The following LINGO1 variants were observed in gnomAD, a reference collection of about 807,000 sequenced individuals.
LINGO1 encodes leucine rich repeat and Ig domain containing 1.
In LINGO1, 11 loss-of-function variants were observed where a neutral mutation model predicts 37.3. The ratio of observed to expected loss-of-function variants is 0.29; its 90% CI spans 0.19 to 0.49. The LOEUF is 0.49. LINGO1 is among the 20% of genes least tolerant of loss of function. The pLI is 0.99. For synonymous variants in LINGO1, 387 were observed against 403.0 expected (o/e 0.96, Z 0.48); for missense variants, 585 against 878.2 (o/e 0.67, Z 4.22).
upstream of LINGO1, chr15:77,820,810 G>A (rs1216933101): frequency 6.6e-6 from 1 of 152,398 alleles, no homozygotes; most frequent in African/African-American, 2.4e-5. Context: ...GGCCACCGCT[G>A]AGACTGCAAT....
chr15:77,699,275 T>C (rs2075736623), upstream of LINGO1, among the ~76,000 whole-genome samples: 1 of 112,910 alleles, frequency 8.9e-6, no homozygotes, highest in African/African-American at 3.4e-5. Flanking sequence ...GCCCAGACCC[T>C]GCACACAGTA....
rs1247203394 is a variant in LINGO1 at position 77,613,258 on chromosome 15, C to T, written c.*786G>A. 6.6e-6 allele frequency: 1 copy of T among 152,292 alleles called. No individual in the cohort carries two copies. The highest frequency in any genetic ancestry group is 1.5e-5 in the Non-Finnish European group (1 of 68,118). 9.4% of individuals were successfully genotyped at this position (152,292 alleles called of 1,614,324 possible). On this transcript the variant is annotated 3_prime_UTR_variant, in exon 2 of 2. Coordinates refer to ENST00000355300, the MANE Select transcript of LINGO1 (RefSeq NM_032808.7). ...CCCCACCTCCAGCCCCTGGCTCTCTCCACTGACTGTGCTGTCCCCCAGGAG... is the reference window on the plus strand; with the variant it reads ...CCCCACCTCCAGCCCCTGGCTCTCTTCACTGACTGTGCTGTCCCCCAGGAG...
chr15:77,683,353 C>G (rs1181051657), intron 2 of LINGO1, among the ~76,000 whole-genome samples: 1 of 152,140 alleles, frequency 6.6e-6, no homozygotes, highest in African/African-American at 2.4e-5. Context: ...CCCGGCCACT[C>G]GCATCTAGAA....
intron 1 of LINGO1, among the ~76,000 whole-genome samples, chr15:77,752,395 C>A (rs1404177999): frequency 2.6e-5 from 4 of 152,236 alleles, no homozygotes; most frequent in Non-Finnish European, 5.9e-5. Flanking sequence ...CAAAGCCAAA[C>A]ACAGCCCCAT....
intron 1 of LINGO1, among the ~76,000 whole-genome samples, chr15:77,767,320 A>G (rs1218389249): frequency 1.3e-5 from 2 of 152,118 alleles, no homozygotes; most frequent in African/African-American, 4.8e-5. Context: ...ATTCTGGGGG[A>G]AAAAAGATCT....
chr15:77,748,219 G>A (rs113278974), intron 1 of LINGO1, among the ~76,000 whole-genome samples: 10 of 152,356 alleles, frequency 6.6e-5, no homozygotes, highest in Admixed American at 2.0e-4. Flanking sequence ...CTGTTCCTAA[G>A]AGGGCAGTGC....
chr15:77,810,691 C>G (rs571097705), intron 1 of LINGO1, among the ~76,000 whole-genome samples: 4 of 152,330 alleles, frequency 2.6e-5, no homozygotes, highest in South Asian at 4.1e-4. Context: ...TCTAAGTACG[C>G]CTTCTAGTTC....
chr15:77,654,004 C>A (rs1306257593), intron 3 of LINGO1, among the ~76,000 whole-genome samples: 1 of 152,156 alleles, frequency 6.6e-6, no homozygotes, highest in Admixed American at 6.5e-5. Context: ...TTCTCTGTCC[C>A]CTTTAACATT....
At chr15:77,731,337 G>GCACATGCACA (rs1340425625) in intron 2 of LINGO1, among the ~76,000 whole-genome samples, 45 of 152,272 alleles carry the variant, frequency 3.0e-4, no homozygotes, top group African/African-American at 9.1e-4. Context: ...GCACACAAAT[G>GCACATGCACA]CACATGCACA....
chr15:77,620,995 C>A (rs2073900009), intron 1 of LINGO1, among the ~76,000 whole-genome samples: 1 of 152,064 alleles, frequency 6.6e-6, no homozygotes, highest in African/African-American at 2.4e-5. Context: ...CACCAGACAC[C>A]TTCTTTAGAA....
chr15:77,649,522 C>G (rs1351232452), intron 3 of LINGO1, among the ~76,000 whole-genome samples: 1 of 151,994 alleles, frequency 6.6e-6, no homozygotes, highest in Non-Finnish European at 1.5e-5. Context: ...ACCAGAAGAG[C>G]AAAGATTCAG....
At chr15:77,646,416 G>A (rs1277802358) in intron 3 of LINGO1, 5 of 454,504 alleles carry the variant, frequency 1.1e-5, no homozygotes, top group East Asian at 1.4e-4. Flanking sequence ...TGATCAAGAC[G>A]GCTAGGGGGC....
intron 1 of LINGO1, among the ~76,000 whole-genome samples, chr15:77,763,173 G>A (rs926246376): frequency 3.3e-5 from 5 of 152,126 alleles, no homozygotes; most frequent in African/African-American, 4.8e-5. Flanking sequence ...AGTAATTAAC[G>A]TCTCATTAAC....
intron 3 of LINGO1, among the ~76,000 whole-genome samples, chr15:77,670,957 T>C (rs1331096452): frequency 6.6e-6 from 1 of 152,204 alleles, no homozygotes; most frequent in Non-Finnish European, 1.5e-5. Context: ...TATCATCCCT[T>C]TGCTCACACA....
intron 1 of LINGO1, chr15:77,695,859 T>C (rs1421333741): frequency 6.6e-6 from 1 of 150,888 alleles, no homozygotes; most frequent in African/African-American, 2.4e-5. Context: ...GCCTTTCCAC[T>C]GAACATTTTA....
At chr15:77,704,845 C>G (rs556348790) in intron 2 of LINGO1, among the ~76,000 whole-genome samples, 1 of 152,306 alleles carries the variant, frequency 6.6e-6, no homozygotes, top group African/African-American at 2.4e-5. Context: ...TGTGCACACA[C>G]TGAGCCCTGG....
chr15:77,784,475 A>G (rs2076752493), intron 1 of LINGO1: 1 of 152,280 alleles, frequency 6.6e-6, no homozygotes, highest in African/African-American at 2.4e-5. Flanking sequence ...CTTTGCAGCC[A>G]GTGCACATTA....
intron 2 of LINGO1, among the ~76,000 whole-genome samples, chr15:77,720,329 C>T (rs999551069): frequency 3.9e-5 from 6 of 152,252 alleles, no homozygotes; most frequent in Admixed American, 3.3e-4. Context: ...GCCTGTCCCG[C>T]CCCAATGGCC....
Position 77,614,605 on chromosome 15 carries a change from C to A in LINGO1, c.1302G>T (p.Val434=), listed in dbSNP as rs201347656. The A allele has an allele frequency of 6.2e-7, 1 of 1,611,382 alleles. No homozygotes were observed. Among genetic ancestry groups the A allele is most frequent in the Admixed American group, 1.7e-5 (1 of 59,742 alleles). The change falls in exon 2 of 2, where the codon GTG becomes GTT. Residue 434 remains valine (V), a synonymous_variant. Coordinates refer to ENST00000355300, the MANE Select transcript of LINGO1 (RefSeq NM_032808.7). Reference sequence around the variant, plus strand: ...GCACCGTGTGGCCCTCGTCCACAAACACCTGCTGGGCCTTGCGGTCCCGGA... The same window carrying A: ...GCACCGTGTGGCCCTCGTCCACAAAAACCTGCTGGGCCTTGCGGTCCCGGA... ...ARIRDRKAQQ[V]FVDEGHTVQF...
Sources: allele counts gnomAD v4.1 joint callset (sites outside exome capture counted in the v4.1 genomes callset), GRCh38; gene constraint gnomAD v4.1.1; transcripts MANE v1.5; gene names NCBI Gene and HGNC (gene_info 2026-07-23, HGNC 2026-07-21).